STOX2: variants seen among roughly 807,000 people sequenced by gnomAD.
STOX2 encodes storkhead box 2, also known as storkhead-box protein 2.
In STOX2, 28 loss-of-function variants were observed where a neutral mutation model predicts 60.9. The observed-to-expected ratio is 0.46, with a 90% CI of 0.34 to 0.63. The LOEUF (loss-of-function observed/expected upper bound fraction) is 0.63, where lower values mean the gene tolerates loss of function less well. STOX2 is among the 30% of genes least tolerant of loss of function. The pLI, the probability that STOX2 is intolerant of heterozygous loss-of-function variation, is 0.01. For missense variants in STOX2, 1,024 were observed against 1,187.7 expected, an observed-to-expected ratio of 0.86 and a Z score of 2.03; for synonymous variants, 472 against 463.9, an observed-to-expected ratio of 1.02 and a Z score of -0.22.
intron 1 of STOX2, among the ~76,000 whole-genome samples, chr4:183,930,485 G>A (rs993698368): frequency 4.0e-5 from 6 of 151,422 alleles, no homozygotes; most frequent in Admixed American, 2.6e-4. Context: ...GACTACAGGT[G>A]TGTGCCACCA....
At chr4:183,860,984 A>G (rs1462026341) in intron 1 of STOX2, among the ~76,000 whole-genome samples, 1 of 152,178 alleles carries the variant, frequency 6.6e-6, no homozygotes, top group African/African-American at 2.4e-5. Flanking sequence ...AGCCATGCTA[A>G]TCGCTCCAAG....
At chr4:183,954,798 G>T (rs1743199655) in intron 1 of STOX2, among the ~76,000 whole-genome samples, 1 of 152,086 alleles carries the variant, frequency 6.6e-6, no homozygotes, top group Non-Finnish European at 1.5e-5. Context: ...CAGTGCAGTG[G>T]TGCGATCTCG....
chr4:183,805,207 A>G (rs183109984), intron 1 of STOX2, among the ~76,000 whole-genome samples: 64 of 152,346 alleles, frequency 4.2e-4, no homozygotes, highest in African/African-American at 1.4e-3. Context: ...TTTTCAGTGT[A>G]TGAGGTGGGC....
chr4:183,956,786 C>T (rs1229328647), intron 1 of STOX2, among the ~76,000 whole-genome samples: 1 of 152,002 alleles, frequency 6.6e-6, no homozygotes, highest in Non-Finnish European at 1.5e-5. Flanking sequence ...ACTTGCATTT[C>T]TTCAGCTTCT....
intron 1 of STOX2, among the ~76,000 whole-genome samples, chr4:183,808,832 GGAA>G (rs2111098532): frequency 6.6e-6 from 1 of 152,162 alleles, no homozygotes; most frequent in South Asian, 2.1e-4. Flanking sequence ...GGGCCACATA[GGAA>G]GAAGAATTGT....
At chr4:183,987,536 C>G (rs959169293) in intron 1 of STOX2, 1 of 152,102 alleles carries the variant, frequency 6.6e-6, no homozygotes, top group African/African-American at 2.4e-5. Flanking sequence ...CAGCCACCCC[C>G]CAAATCCCAT....
chr4:183,950,942 G>A (rs912537767), intron 1 of STOX2, among the ~76,000 whole-genome samples: 5 of 152,260 alleles, frequency 3.3e-5, no homozygotes, highest in East Asian at 1.9e-4. Flanking sequence ...GCGGCCGGGC[G>A]CGGTGGCTCA....
At chr4:183,860,442 C>CAAAAAAAAAAAAAAAAAAAAAAAAAAAA (rs35753992) in intron 1 of STOX2, among the ~76,000 whole-genome samples, 14 of 121,480 alleles carry the variant, frequency 1.2e-4, no homozygotes, top group Non-Finnish European at 1.7e-4. Context: ...AAACAAAAAA[C>CAAAAAAAAAAAAAAAAAAAAAAAAAAAA]AAAAAAAAAA....
chr4:183,996,063 A>C (rs1733330844), intron 1 of STOX2, among the ~76,000 whole-genome samples: 1 of 152,250 alleles, frequency 6.6e-6, no homozygotes, highest in South Asian at 2.1e-4. Context: ...ACAGAAGTTT[A>C]CTTACAATTG....
At chr4:183,980,808 T>A (rs1732634657) in intron 1 of STOX2, among the ~76,000 whole-genome samples, 1 of 152,188 alleles carries the variant, frequency 6.6e-6, no homozygotes, top group South Asian at 2.1e-4. Flanking sequence ...TATTGCTATG[T>A]CTGCTTTGTA....
At chr4:184,007,377 C>T (rs188230158) in intron 2 of STOX2, among the ~76,000 whole-genome samples, 2 of 152,286 alleles carry the variant, frequency 1.3e-5, no homozygotes, top group African/African-American at 2.4e-5. Context: ...GGTTGGTGCA[C>T]ATTGTTGTTT....
intron 1 of STOX2, among the ~76,000 whole-genome samples, chr4:183,918,830 G>A (rs1382911228): frequency 1.3e-5 from 2 of 152,176 alleles, no homozygotes; most frequent in Non-Finnish European, 2.9e-5. Context: ...GGGGCTCCGG[G>A]ATGACGGCCT....
intron 1 of STOX2, among the ~76,000 whole-genome samples, chr4:183,873,845 C>A (rs757913823): frequency 2.2e-4 from 34 of 152,206 alleles, no homozygotes; most frequent in Non-Finnish European, 4.1e-4. Context: ...GCCAGGGCTG[C>A]ACACCATGGA....
chr4:183,915,421 C>CTT (rs70959158), intron 1 of STOX2, among the ~76,000 whole-genome samples: 26 of 146,604 alleles, frequency 1.8e-4, no homozygotes, highest in African/African-American at 5.5e-4. Flanking sequence ...GGGTATTTGT[C>CTT]TTTTTTTTTT....
chr4:183,930,056 A>G (rs1017252060), intron 1 of STOX2, among the ~76,000 whole-genome samples: 6 of 151,074 alleles, frequency 4.0e-5, no homozygotes, highest in Middle Eastern at 3.5e-3. Context: ...GTAGAGATGG[A>G]GTTTCACCGT....
intron 1 of STOX2, chr4:183,987,725 G>A (rs1732909353): frequency 6.6e-6 from 1 of 152,272 alleles, no homozygotes; most frequent in African/African-American, 2.4e-5. Context: ...CCTGACGGCT[G>A]TGTGTCGGGA....
intron 1 of STOX2, among the ~76,000 whole-genome samples, chr4:183,855,534 T>A (rs1226146647): frequency 6.6e-6 from 1 of 152,200 alleles, no homozygotes; most frequent in African/African-American, 2.4e-5. Flanking sequence ...AACTTGGAAA[T>A]CCAAGCTCAT....
chr4:183,898,314 G>C (rs1023440793), intron 1 of STOX2, among the ~76,000 whole-genome samples: 5 of 151,980 alleles, frequency 3.3e-5, no homozygotes, highest in Admixed American at 2.6e-4. Context: ...ATGACTCCCA[G>C]GTTCTTGCCC....
At chr4:183,950,992 G>A (rs1386543982) in intron 1 of STOX2, among the ~76,000 whole-genome samples, 4 of 151,990 alleles carry the variant, frequency 2.6e-5, no homozygotes, top group Non-Finnish European at 4.4e-5. Context: ...GAGGCGGGCG[G>A]ATCACGAGGT....
Sources: gnomAD v4.1 joint callset for allele counts (sites outside exome capture counted in the v4.1 genomes callset) on GRCh38, gnomAD v4.1.1 for gene constraint, MANE v1.5 for transcripts, NCBI Gene and HGNC (gene_info 2026-07-23, HGNC 2026-07-21) for gene names.